Variants in GRAMD1C observed in about 807,000 individuals in gnomAD.
The protein encoded by GRAMD1C is GRAM domain containing 1C, also known as protein Aster-C.
GRAMD1C carries 89 observed loss-of-function variants against 97.8 expected under a neutral mutation model. The ratio of observed to expected loss-of-function variants is 0.91; its 90% CI spans 0.77 to 1.09. The LOEUF (loss-of-function observed/expected upper bound fraction) is 1.09, where lower values mean the gene tolerates loss of function less well. Among genes scored for constraint, GRAMD1C ranks in the 50% least tolerant of loss-of-function variants. The pLI, the probability that GRAMD1C is intolerant of heterozygous loss-of-function variation, is 0.00. For synonymous variants in GRAMD1C, 256 were observed against 267.0 expected (o/e 0.96, Z 0.40); for missense variants, 740 against 766.4 (o/e 0.97, Z 0.41).
upstream of GRAMD1C, among the ~76,000 whole-genome samples, chr3:113,834,939 CA>C (rs58338279): frequency 0.87 from 109,478 of 125,982 alleles, 47,565 homozygotes; most frequent in Middle Eastern, 0.93. Context: ...AACTCCGTCT[CA>C]AAAAAAAAAA....
chr3:113,876,081 C>A, intron 4 of GRAMD1C, 84 bp from the exon 5 acceptor site: 1 of 683,258 alleles, frequency 1.5e-6, no homozygotes, highest in Non-Finnish European at 2.6e-6. Flanking sequence ...GTTGAATATT[C>A]TGGATTAGAT....
chr3:113,913,277 C>A, intron 9 of GRAMD1C: 1 of 377,164 alleles, frequency 2.7e-6, no homozygotes, highest in African/African-American at 2.2e-5. Context: ...GTAATCCCAG[C>A]ACTTTGGAAG....
intron 17 of GRAMD1C, among the ~76,000 whole-genome samples, chr3:113,943,999 TTC>T (rs1937939806): frequency 1.3e-5 from 2 of 152,338 alleles, no homozygotes; most frequent in African/African-American, 4.8e-5. Flanking sequence ...CTGTGTTAGA[TTC>T]TCTTTCCTTC....
intron 10 of GRAMD1C, chr3:113,919,726 C>A: frequency 1.7e-6 from 1 of 593,582 alleles, no homozygotes; most frequent in South Asian, 1.5e-5. Flanking sequence ...TAGAAGTGGG[C>A]ATTGAAGATT....
At chr3:113,855,165 G>C (rs1934070342) in intron 2 of GRAMD1C, among the ~76,000 whole-genome samples, 1 of 152,144 alleles carries the variant, frequency 6.6e-6, no homozygotes, top group African/African-American at 2.4e-5. Flanking sequence ...TACAAAATCA[G>C]CTGGGCATGG....
In GRAMD1C at chr3:113,946,381, G is replaced by A. The variant is rs1037267319; in HGVS notation, c.*903G>A. On this transcript the variant is annotated 3_prime_UTR_variant, in exon 18 of 18. Transcript: ENST00000358160. ...TGTATGTGTGTGACTTGTTTTGATT[G>A]GTAAGTTATAAGCCAGACATAGATT... 1.3e-5 allele frequency: 2 copies of A among 152,402 alleles called. No homozygotes were observed. The highest frequency in any genetic ancestry group is 1.3e-4 in the Admixed American group (2 of 15,278). 9.4% of individuals were successfully genotyped at this position (152,402 alleles called of 1,614,324 possible).
intron 2 of GRAMD1C, among the ~76,000 whole-genome samples, chr3:113,864,255 A>C (rs1934502313): frequency 1.3e-5 from 2 of 152,032 alleles, no homozygotes; most frequent in South Asian, 4.2e-4. Flanking sequence ...CTGGGATTAC[A>C]GGCATGCACC....
chr3:113,854,939 A>G (rs1577129189), intron 2 of GRAMD1C, among the ~76,000 whole-genome samples: 1 of 152,210 alleles, frequency 6.6e-6, no homozygotes, highest in East Asian at 1.9e-4. Flanking sequence ...CATAAAAACA[A>G]ATCTAAGATA....
chr3:113,913,336 C>A (rs1461274006), intron 9 of GRAMD1C, among the ~76,000 whole-genome samples: 1 of 149,756 alleles, frequency 6.7e-6, no homozygotes, highest in Non-Finnish European at 1.5e-5. Context: ...ACCAGTCTGG[C>A]CAATGTGAGG....
At chr3:113,909,204 AT>A in intron 9 of GRAMD1C, 84 bp downstream of exon 9, 1 of 600,374 alleles carries the variant, frequency 1.7e-6, no homozygotes, top group East Asian at 3.4e-5. Flanking sequence ...CAGATTGAGA[AT>A]TTAGTTTTAT....
chr3:113,890,925 C>T (rs1935700374), intron 6 of GRAMD1C: 1 of 522,302 alleles, frequency 1.9e-6, no homozygotes, highest in Admixed American at 3.5e-5. Flanking sequence ...AGGCCACCCA[C>T]CATAGCCAAG....
At chr3:113,922,523 T>C (rs1391905495) in intron 10 of GRAMD1C, among the ~76,000 whole-genome samples, 1 of 152,234 alleles carries the variant, frequency 6.6e-6, no homozygotes, top group African/African-American at 2.4e-5. Context: ...CACCATTTAT[T>C]GAATAGGGAG....
At chr3:113,936,590 A>C in intron 14 of GRAMD1C, 148 bp downstream of exon 14, 1 of 554,084 alleles carries the variant, frequency 1.8e-6, no homozygotes, top group Non-Finnish European at 3.2e-6. Flanking sequence ...ATTTCCTTTA[A>C]GATAACTAAT....
At chr3:113,888,548 G>A (rs968886815) in intron 6 of GRAMD1C, among the ~76,000 whole-genome samples, 12 of 152,124 alleles carry the variant, frequency 7.9e-5, no homozygotes, top group African/African-American at 2.9e-4. Flanking sequence ...ATGAGGCAAT[G>A]GATATGTTAA....
chr3:113,847,375 G>A (rs1254363275), intron 2 of GRAMD1C, among the ~76,000 whole-genome samples: 4 of 152,120 alleles, frequency 2.6e-5, no homozygotes, highest in Non-Finnish European at 5.9e-5. Context: ...AACATTCAAA[G>A]TTAATTTGAT....
chr3:113,909,463 A>G (rs1256101971), intron 9 of GRAMD1C, among the ~76,000 whole-genome samples: 1 of 152,192 alleles, frequency 6.6e-6, no homozygotes, highest in Non-Finnish European at 1.5e-5. Context: ...GCTATCCCTC[A>G]TTTTCCTGGT....
intron 3 of GRAMD1C, among the ~76,000 whole-genome samples, chr3:113,873,243 G>C (rs1004024122): frequency 9.2e-5 from 14 of 152,122 alleles, no homozygotes; most frequent in African/African-American, 3.4e-4. Flanking sequence ...CTGGGCGACA[G>C]AGCAAGACCC....
rs9876820 is a variant in GRAMD1C at position 113,928,863 on chromosome 3, C to T, written c.1091-1851C>T. Reference sequence around the variant, plus strand: ...ATGTATATACCACATTTTGTTTATCCGTTCATCCATTAATGACATCTGGGT... The same window carrying T: ...ATGTATATACCACATTTTGTTTATCTGTTCATCCATTAATGACATCTGGGT... On this transcript the variant is annotated intron_variant, in intron 10 of 17. Coordinates refer to ENST00000358160, the MANE Select transcript of GRAMD1C (RefSeq NM_017577.5). Among the ~76,000 whole-genome samples, 1,326 of 152,212 alleles carry T rather than the reference C, an allele frequency of 8.7e-3. 22 individuals are homozygous for T. Among genetic ancestry groups the T allele is most frequent in the African/African-American group, 0.029 (1,209 of 41,518 alleles).
chr3:113,836,177 T>A (rs535514270), upstream of GRAMD1C, among the ~76,000 whole-genome samples: 1,916 of 152,102 alleles, frequency 0.013, 24 homozygotes, highest in South Asian at 0.024. Context: ...GGCAGGAGAA[T>A]TGCTTAAACC....
Sources: gnomAD v4.1 joint callset for allele counts (sites outside exome capture counted in the v4.1 genomes callset) on GRCh38, gnomAD v4.1.1 for gene constraint, MANE v1.5 for transcripts, NCBI Gene and HGNC (gene_info 2026-07-23, HGNC 2026-07-21) for gene names.